COLEC10: variants seen among roughly 807,000 people sequenced by gnomAD.
COLEC10 encodes the protein collectin subfamily member 10.
A neutral mutation model predicts 28.4 loss-of-function variants in COLEC10; 22 were observed. The ratio of observed to expected loss-of-function variants is 0.78; its 90% confidence interval spans 0.55 to 1.11. The LOEUF is 1.11. COLEC10 is among the 50% of genes least tolerant of loss of function. The pLI is 0.00. For missense variants in COLEC10, 361 were observed against 344.1 expected (o/e 1.05, Z -0.39); for synonymous variants, 125 against 116.1 (o/e 1.08, Z -0.49).
At chr8:119,052,949 A>G (rs1174778066) in intron 2 of COLEC10, among the ~76,000 whole-genome samples, 1 of 152,140 alleles carries the variant, frequency 6.6e-6, no homozygotes, top group East Asian at 1.9e-4. Flanking sequence ...GGAACCAAGA[A>G]GAGAGGGGAA....
chr8:118,970,060 G>A, the COLEC10 span, among the ~76,000 whole-genome samples: 1 of 152,016 alleles, frequency 6.6e-6, no homozygotes, highest in African/African-American at 2.4e-5. Context: ...GCTAAAATGT[G>A]TTATGGATAG....
chr8:119,103,688 T>C (rs1380592600), intron 4 of COLEC10, 112 bp from the exon 5 acceptor site: 1 of 661,290 alleles, frequency 1.5e-6, no homozygotes. Context: ...CATTCACAGA[T>C]ATATAGAACC....
chr8:119,095,974 T>G (rs1417451950), intron 3 of COLEC10, among the ~76,000 whole-genome samples: 1 of 152,164 alleles, frequency 6.6e-6, no homozygotes, highest in Non-Finnish European at 1.5e-5. Context: ...CTACCAAACT[T>G]GATTTATGCA....
chr8:118,989,926 C>A, the COLEC10 span, among the ~76,000 whole-genome samples: 1 of 152,076 alleles, frequency 6.6e-6, no homozygotes, highest in Non-Finnish European at 1.5e-5. Context: ...GTGAGCATTT[C>A]CTTTGAGCAT....
chr8:118,999,775 G>A lies in COLEC10; in HGVS notation n.122+4202G>A, dbSNP rs189345704. Among the ~76,000 whole-genome samples the A allele has an allele frequency of 2.5e-3, 380 of 152,248 alleles. 7 individuals are homozygous for A. Among genetic ancestry groups the A allele is most frequent in the Non-Finnish European group, 1.5e-3 (104 of 68,026 alleles). On this transcript the variant is annotated intron_variant and non_coding_transcript_variant, in intron 1 of 6. Coordinates refer to the COLEC10 transcript ENST00000521788. ...AGGTAGGACAAAATATTGACCATTT[G>A]CTTTGGGAAGATATAAAATGTTGGC...
intron 1 of COLEC10, among the ~76,000 whole-genome samples, chr8:119,076,294 T>C (rs1273392958): frequency 6.7e-6 from 1 of 149,748 alleles, no homozygotes; most frequent in African/African-American, 2.5e-5. Flanking sequence ...GGAGTTTTGC[T>C]CTTGTTGCCC....
At chr8:119,101,168 A>T (rs550745654) in intron 3 of COLEC10, among the ~76,000 whole-genome samples, 5 of 151,984 alleles carry the variant, frequency 3.3e-5, no homozygotes, top group Non-Finnish European at 7.4e-5. Context: ...TCCCTTTTGC[A>T]TTGTCCCCTT....
At chr8:118,972,713 T>A in the COLEC10 span, among the ~76,000 whole-genome samples, 7 of 151,964 alleles carry the variant, frequency 4.6e-5, no homozygotes, top group African/African-American at 1.7e-4. Context: ...GAGCTCTGCC[T>A]TTAATATCCA....
intron 2 of COLEC10, among the ~76,000 whole-genome samples, chr8:119,016,440 G>T (rs189540316): frequency 6.6e-6 from 1 of 152,166 alleles, no homozygotes; most frequent in East Asian, 1.9e-4. Context: ...TAGGCATTTG[G>T]GTTGGTTCCA....
At chr8:119,091,865 G>A (rs928183368) in intron 3 of COLEC10, among the ~76,000 whole-genome samples, 6 of 151,902 alleles carry the variant, frequency 3.9e-5, no homozygotes, top group Admixed American at 3.3e-4. Context: ...TTATCTCCTG[G>A]GATCTACTTG....
At chr8:118,999,078 G>C (rs992651354) in intron 1 of COLEC10, among the ~76,000 whole-genome samples, 1 of 151,954 alleles carries the variant, frequency 6.6e-6, no homozygotes, top group Non-Finnish European at 1.5e-5. Context: ...TGTGTCCAAG[G>C]TCACACAGTA....
chr8:119,031,422 G>A (rs934329449), intron 2 of COLEC10, among the ~76,000 whole-genome samples: 13 of 152,172 alleles, frequency 8.5e-5, no homozygotes, highest in Non-Finnish European at 1.9e-4. Context: ...ATGAGATAAG[G>A]GAAATGAGAA....
rs1472367434 is a variant in COLEC10 at position 119,103,904 on chromosome 8, A to G, written c.442+9A>G. 2 of 1,560,304 alleles carry G rather than the reference A, an allele frequency of 1.3e-6. No individual in the cohort carries two copies. Among genetic ancestry groups the G allele is most frequent in the Non-Finnish European group, 1.8e-6 (2 of 1,131,678 alleles). The stretch of plus-strand genomic sequence containing the variant: ...GAAGTTTGTCAAGAATGGTGAGCAT[A>G]TTCTCTTTTGTGTTATGTATCTATT... On this transcript the variant is annotated intron_variant, in intron 5 of 5. Coordinates refer to ENST00000332843, the MANE Select transcript of COLEC10 (RefSeq NM_006438.5).
At chr8:119,084,287 G>T (rs894578784) in intron 1 of COLEC10, among the ~76,000 whole-genome samples, 1 of 152,138 alleles carries the variant, frequency 6.6e-6, no homozygotes, top group Non-Finnish European at 1.5e-5. Flanking sequence ...ATGTGATTAA[G>T]ATTTGACGCC....
At chr8:119,091,013 T>A in intron 2 of COLEC10, 136 bp from the exon 3 acceptor site, 1 of 701,032 alleles carries the variant, frequency 1.4e-6, no homozygotes, top group Non-Finnish European at 2.5e-6. Context: ...CTAGACAATA[T>A]AGCATGGGAT....
rs1047998227 is a variant in COLEC10 at position 119,027,486 on chromosome 8, T to C, written n.235+17933T>C. Among the ~76,000 whole-genome samples, 14 of 152,270 alleles carry C rather than the reference T, an allele frequency of 9.2e-5. No homozygotes were observed. In the East Asian group the frequency reaches 2.5e-3, roughly 27 times the overall value. On this transcript the variant is annotated intron_variant and non_coding_transcript_variant, in intron 2 of 6. Coordinates refer to the COLEC10 transcript ENST00000521788. Reference sequence around the variant, plus strand: ...TCCTTTGTAAATAGCTAGTGATCTTTTATGCAAATTCAAATCCAGTCATCA... The same window carrying C: ...TCCTTTGTAAATAGCTAGTGATCTTCTATGCAAATTCAAATCCAGTCATCA...
intron 1 of COLEC10, among the ~76,000 whole-genome samples, chr8:119,082,145 T>C (rs16891968): frequency 0.068 from 10,379 of 152,168 alleles, 1,144 homozygotes; most frequent in African/African-American, 0.24. Context: ...AATTAGAGCA[T>C]GACTGTAATA....
the COLEC10 span, among the ~76,000 whole-genome samples, chr8:118,965,253 A>G: frequency 1.3e-5 from 2 of 152,298 alleles, no homozygotes; most frequent in Admixed American, 6.5e-5. Flanking sequence ...TGAAATCCCA[A>G]TAGCTCAAAA....
chr8:119,073,947 T>C (rs1815173419), intron 1 of COLEC10, among the ~76,000 whole-genome samples: 1 of 68,048 alleles, frequency 1.5e-5, no homozygotes, highest in Non-Finnish European at 2.6e-5. Context: ...CGTACATATA[T>C]ACACATATAT....
Sources: allele counts gnomAD v4.1 joint callset (sites outside exome capture counted in the v4.1 genomes callset), GRCh38; gene constraint gnomAD v4.1.1; transcripts MANE v1.5; gene names NCBI Gene and HGNC (gene_info 2026-07-23, HGNC 2026-07-21).